CIAO2A: variants seen among roughly 807,000 people sequenced by gnomAD.
The protein encoded by CIAO2A is cytosolic iron-sulfur assembly component 2A, also known as MIP18 family protein FAM96A.
A neutral mutation model predicts 22.4 loss-of-function variants in CIAO2A; 17 were observed. That is an observed-to-expected ratio of 0.76 (90% CI 0.52 to 1.14). The LOEUF is 1.14. Ranked by LOEUF, CIAO2A falls within the 50% of genes most tolerant of loss-of-function variation. The probability of loss-of-function intolerance (pLI) is 0.00; values close to 1 mark genes in which losing one functional copy is unlikely to be tolerated. For synonymous variants in CIAO2A, 74 were observed against 72.3 expected, an observed-to-expected ratio of 1.02 and a Z score of -0.12; for missense variants, 192 against 191.4, an observed-to-expected ratio of 1.00 and a Z score of -0.02.
intron 2 of CIAO2A, among the ~76,000 whole-genome samples, chr15:64,085,201 A>G (rs1407829491): frequency 1.3e-5 from 2 of 152,262 alleles, no homozygotes; most frequent in African/African-American, 4.8e-5. Context: ...CTGATGTACC[A>G]ATATGATTAG....
rs542820646 is a variant in CIAO2A, at chr15:64,080,024, T to C, written c.339+1078A>G. ...ATCTGAATAGACAGCTCTCCAAAGA[T>C]ACACAAATGGCCAAAAACCACATGA... On this transcript the variant is annotated intron_variant, in intron 3 of 4. Transcript: ENST00000300030. Among the ~76,000 whole-genome samples the C allele has an allele frequency of 1.4e-4, 21 of 152,260 alleles. No homozygotes were observed. The East Asian group carries it at 3.7e-3, about 27-fold the overall frequency.
chr15:64,089,806 G>A (rs2080826017), intron 1 of CIAO2A, among the ~76,000 whole-genome samples: 1 of 152,142 alleles, frequency 6.6e-6, no homozygotes, highest in Non-Finnish European at 1.5e-5. Flanking sequence ...GGACAACACT[G>A]GCAGAACTAA....
chr15:64,088,695 G>A lies in CIAO2A; in HGVS notation c.281C>T (p.Thr94Ile), dbSNP rs758082475. 6.2e-7 allele frequency: 1 copy of A among 1,608,226 alleles called. No individual in the cohort carries two copies. Among genetic ancestry groups the A allele is most frequent in the South Asian group, 1.1e-5 (1 of 89,736 alleles). The change falls in exon 2 of 5, where the codon ACT (threonine) becomes ATT (isoleucine). Residue 94 changes from threonine to isoleucine, a missense_variant. By Grantham distance (89) the Thr-to-Ile change is moderately conservative. Coordinates refer to ENST00000300030, the MANE Select transcript of CIAO2A (RefSeq NM_032231.7). Reference protein sequence around the residue: ...TPTVPHCSLATLIGLCLRVKL... With the variant: ...TPTVPHCSLAILIGLCLRVKL... The stretch of plus-strand genomic sequence containing the variant: ...TGTACAGAAAAACTTACCAATAAGA[G>A]TCGCCAAAGAGCAATGAGGTACTGT...
At chr15:64,081,790 T>C (rs1353141478) in intron 2 of CIAO2A, among the ~76,000 whole-genome samples, 2 of 151,968 alleles carry the variant, frequency 1.3e-5, no homozygotes, top group Non-Finnish European at 2.9e-5. Flanking sequence ...CCGCCTGCCT[T>C]AGCCTTCCAA....
chr15:64,082,483 C>T (rs1253218049), intron 2 of CIAO2A, among the ~76,000 whole-genome samples: 1 of 152,170 alleles, frequency 6.6e-6, no homozygotes, highest in East Asian at 1.9e-4. Context: ...CCGCCTCGGC[C>T]TCCCAAAGTG....
chr15:64,087,338 G>C (rs555213945), intron 2 of CIAO2A, among the ~76,000 whole-genome samples: 3 of 151,864 alleles, frequency 2.0e-5, no homozygotes, highest in Admixed American at 1.3e-4. Context: ...TGATCTGCCC[G>C]CCTCGGCCAC....
intron 2 of CIAO2A, among the ~76,000 whole-genome samples, chr15:64,082,228 TTTAC>T (rs2080763520): frequency 6.6e-6 from 1 of 152,142 alleles, no homozygotes; most frequent in South Asian, 2.1e-4. Context: ...AGGGTCTTTA[TTTAC>T]TTATTTATTT....
intron 3 of CIAO2A, 116 bp from the exon 4 acceptor site, chr15:64,075,653 CTT>C (rs147717856): frequency 0.023 from 8,552 of 372,602 alleles, no homozygotes; most frequent in South Asian, 0.036. Context: ...AATCCTGTTT[CTT>C]TTTTTTTTTT....
At chr15:64,073,599 T>C (rs1435465103) in intron 4 of CIAO2A, among the ~76,000 whole-genome samples, 1 of 152,152 alleles carries the variant, frequency 6.6e-6, no homozygotes, top group Non-Finnish European at 1.5e-5. Flanking sequence ...GGTATTATTA[T>C]CATTGTTATT....
At position 64,072,762 on chromosome 15, in the gene CIAO2A, T is replaced by G. The variant is rs1204547277; in HGVS notation, c.*169A>C. ...TACAAATCCTGAGAATGTTATACAT[T>G]GAACAAATTAGGTACTACCTTATAA... On this transcript the variant is annotated 3_prime_UTR_variant, in exon 5 of 5. Coordinates refer to ENST00000300030, the MANE Select transcript of CIAO2A (RefSeq NM_032231.7). 3 of 477,736 alleles carry G rather than the reference T, an allele frequency of 6.3e-6. No homozygotes were observed. Among genetic ancestry groups the G allele is most frequent in the Non-Finnish European group, 1.1e-5 (3 of 269,234 alleles). The allele number at this position is 477,736 out of a possible 1,614,324, so 29.6% of individuals were successfully genotyped here.
chr15:64,081,012 C>A (rs765367978), intron 3 of CIAO2A, 90 bp downstream of exon 3: 3 of 1,296,362 alleles, frequency 2.3e-6, no homozygotes, highest in Non-Finnish European at 3.3e-6. Context: ...AATTGGTACA[C>A]TTTAAATACG....
chr15:64,086,602 T>A (rs572937057), intron 2 of CIAO2A, among the ~76,000 whole-genome samples: 5 of 136,316 alleles, frequency 3.7e-5, no homozygotes, highest in African/African-American at 1.4e-4. Flanking sequence ...TAATGCTTTT[T>A]CTAGCAATGG....
Position 64,088,782 on chromosome 15 carries a change from C to A in CIAO2A, c.194G>T (p.Ser65Ile), listed in dbSNP as rs765841610. ...TLEELEVVSE[S>I]CVEVQEINEE... The stretch of plus-strand genomic sequence containing the variant: ...ATTTATCTCCTGAACTTCCACACAA[C>A]TTTCCGAGACCACTTCCAGTTCTTC... The change falls in exon 2 of 5, where the codon AGT (serine) becomes ATT (isoleucine). Residue 65 changes from serine (S) to isoleucine (I), a missense_variant. Physicochemically the swap from Ser to Ile is moderately radical, Grantham distance 142. Coordinates refer to ENST00000300030, the MANE Select transcript of CIAO2A (RefSeq NM_032231.7). The A allele has an allele frequency of 1.2e-6, 2 of 1,614,120 alleles. No homozygotes were observed. The highest frequency in any genetic ancestry group is 1.7e-6 in the Non-Finnish European group (2 of 1,180,006).
rs773061022 is a variant in CIAO2A at position 64,088,854 on chromosome 15, A to G, written c.125-3T>C. 3.2e-5 allele frequency: 52 copies of G among 1,604,034 alleles called. No individual in the cohort carries two copies. Among genetic ancestry groups the G allele is most frequent in the Non-Finnish European group, 4.2e-5 (50 of 1,177,370 alleles). Reference sequence around the variant, plus strand: ...GTCCCGGATAGTTCTAATCAAATCTAAAGAATCATCAGAGATAAGATATTC... The same window carrying G: ...GTCCCGGATAGTTCTAATCAAATCTGAAGAATCATCAGAGATAAGATATTC... On this transcript the variant is annotated splice_region_variant and splice_polypyrimidine_tract_variant and intron_variant, in intron 1 of 4. Coordinates refer to ENST00000300030, the MANE Select transcript of CIAO2A (RefSeq NM_032231.7).
intron 2 of CIAO2A, among the ~76,000 whole-genome samples, chr15:64,087,246 C>G (rs1372104339): frequency 6.6e-6 from 1 of 152,018 alleles, no homozygotes; most frequent in Non-Finnish European, 1.5e-5. Context: ...CACCCGTCAC[C>G]ATGCCTGGCT....
chr15:64,090,002 A>G (rs1164854998), intron 1 of CIAO2A, among the ~76,000 whole-genome samples: 1 of 152,170 alleles, frequency 6.6e-6, no homozygotes, highest in Non-Finnish European at 1.5e-5. Context: ...ATTCACAAAG[A>G]ATAAGTAGAA....
intron 4 of CIAO2A, among the ~76,000 whole-genome samples, chr15:64,073,451 T>C (rs751972574): frequency 1.4e-4 from 22 of 152,242 alleles, no homozygotes; most frequent in Non-Finnish European, 2.6e-4. Flanking sequence ...TTTGGAAATA[T>C]TCTCAAAAAT....
chr15:64,085,853 C>T (rs966404079), intron 2 of CIAO2A, among the ~76,000 whole-genome samples: 3 of 151,786 alleles, frequency 2.0e-5, no homozygotes, highest in Admixed American at 6.6e-5. Context: ...GGATTACAGG[C>T]GCCCGCCACC....
At chr15:64,078,949 G>C (rs75926592) in intron 3 of CIAO2A, among the ~76,000 whole-genome samples, 1 of 151,994 alleles carries the variant, frequency 6.6e-6, no homozygotes, top group East Asian at 1.9e-4. Context: ...GGTAAGGAGG[G>C]AGGCTCACTT....
Sources: allele counts gnomAD v4.1 joint callset (sites outside exome capture counted in the v4.1 genomes callset), GRCh38; gene constraint gnomAD v4.1.1; transcripts MANE v1.5; gene names NCBI Gene and HGNC (gene_info 2026-07-23, HGNC 2026-07-21).